The following MYT1L variants were observed in gnomAD, a reference collection of about 807,000 sequenced individuals.
MYT1L encodes myelin transcription factor 1-like protein.
MYT1L carries 12 observed loss-of-function variants against 126.7 expected under a neutral mutation model. The ratio of observed to expected loss-of-function variants is 0.09; its 90% confidence interval spans 0.06 to 0.15. The LOEUF (loss-of-function observed/expected upper bound fraction) is 0.15. Among genes scored for constraint, MYT1L ranks in the 10% least tolerant of loss-of-function variants. The pLI, the probability that MYT1L is intolerant of heterozygous loss-of-function variation, is 1.00. For synonymous variants in MYT1L, 541 were observed against 604.2 expected (o/e 0.90, Z 1.53); for missense variants, 979 against 1,585.2 (o/e 0.62, Z 6.49).
chr2:1,810,490 T>C (rs2036438048), intron 21 of MYT1L, among the ~76,000 whole-genome samples: 1 of 152,176 alleles, frequency 6.6e-6, no homozygotes, highest in African/African-American at 2.4e-5. Flanking sequence ...TCTCTATACA[T>C]AATATTGTAT....
chr2:1,792,939 G>A (rs2032497585), intron 23 of MYT1L, among the ~76,000 whole-genome samples: 1 of 150,812 alleles, frequency 6.6e-6, no homozygotes, highest in African/African-American at 2.4e-5. Flanking sequence ...AGGACCTGCT[G>A]CCTATGCTTT....
chr2:2,017,317 C>T (rs979254016), intron 4 of MYT1L, among the ~76,000 whole-genome samples: 1 of 152,254 alleles, frequency 6.6e-6, no homozygotes, highest in Admixed American at 6.5e-5. Flanking sequence ...CAATTGTGAA[C>T]ACAATCTAAT....
At chr2:1,792,149 G>C in intron 24 of MYT1L, 142 bp from the exon 25 acceptor site, 1 of 1,209,546 alleles carries the variant, frequency 8.3e-7, no homozygotes, top group Non-Finnish European at 1.1e-6. Context: ...TTAAGTTTCT[G>C]GGGTCAGCCC....
intron 3 of MYT1L, among the ~76,000 whole-genome samples, chr2:2,143,306 A>C (rs1485788459): frequency 2.0e-5 from 3 of 151,862 alleles, no homozygotes; most frequent in Non-Finnish European, 2.9e-5. Flanking sequence ...AAAAAAAAAA[A>C]AAAGTTGTAG....
chr2:2,041,276 C>T (rs914557097), intron 4 of MYT1L, among the ~76,000 whole-genome samples: 8 of 152,166 alleles, frequency 5.3e-5, no homozygotes, highest in Non-Finnish European at 1.2e-4. Flanking sequence ...ACATTTGAGT[C>T]TTGTCAAGGT....
In MYT1L at chr2:2,181,160, CTG is replaced by C. The variant is rs143802981; in HGVS notation, c.-420-8174_-420-8173del. Among the ~76,000 whole-genome samples, 225 of 151,390 alleles carry C rather than the reference CTG, an allele frequency of 1.5e-3. 1 individual carries two copies. Among genetic ancestry groups the C allele is most frequent in the East Asian group, 0.011 (58 of 5,114 alleles). On this transcript the variant is annotated intron_variant, in intron 2 of 24. Coordinates refer to ENST00000647738, the MANE Select transcript of MYT1L (RefSeq NM_001303052.2). ...CCTGTGTCTGTGCCTGAGTATGTAC[CTG>C]TGTGTGCACATGTATCTGTACCTAT...
intron 2 of MYT1L, among the ~76,000 whole-genome samples, chr2:2,276,020 A>C (rs1245557264): frequency 6.6e-6 from 1 of 151,518 alleles, no homozygotes; most frequent in Non-Finnish European, 1.5e-5. Flanking sequence ...TGCTTTATGG[A>C]GTTGTGTTTT....
intron 18 of MYT1L, among the ~76,000 whole-genome samples, chr2:1,867,612 T>A (rs981356859): frequency 2.6e-5 from 4 of 152,138 alleles, no homozygotes; most frequent in African/African-American, 9.7e-5. Flanking sequence ...GGCAGCCACG[T>A]CCACAGGTTT....
intron 3 of MYT1L, among the ~76,000 whole-genome samples, chr2:2,156,122 C>T (rs564287046): frequency 4.6e-5 from 7 of 152,250 alleles, no homozygotes; most frequent in African/African-American, 1.2e-4. Flanking sequence ...GTAAAGTGAG[C>T]TTGTAAAATA....
chr2:2,007,685 A>ACACAG (rs1303603760), intron 4 of MYT1L, among the ~76,000 whole-genome samples: 1 of 151,902 alleles, frequency 6.6e-6, no homozygotes, highest in Non-Finnish European at 1.5e-5. Context: ...TTTTCCATTC[A>ACACAG]CACAGCTGTC....
intron 8 of MYT1L, among the ~76,000 whole-genome samples, chr2:1,945,166 G>C (rs2057089437): frequency 6.6e-6 from 1 of 152,184 alleles, no homozygotes; most frequent in Non-Finnish European, 1.5e-5. Context: ...GTCCGGCGGG[G>C]TCCAATCAAC....
At chr2:2,119,420 A>C (rs2080670844) in intron 3 of MYT1L, among the ~76,000 whole-genome samples, 2 of 152,242 alleles carry the variant, frequency 1.3e-5, no homozygotes, top group African/African-American at 4.8e-5. Context: ...AAAAGTAATT[A>C]AGGGAAAATA....
intron 3 of MYT1L, among the ~76,000 whole-genome samples, chr2:2,082,301 G>C (rs867860649): frequency 6.6e-6 from 1 of 152,192 alleles, no homozygotes; most frequent in African/African-American, 2.4e-5. Context: ...ATGTCGATGT[G>C]GGGATTGAAC....
intron 21 of MYT1L, chr2:1,810,211 C>T (rs1408834825): frequency 6.6e-6 from 1 of 150,870 alleles, no homozygotes; most frequent in Non-Finnish European, 1.5e-5. Context: ...ACTGCAGCCT[C>T]TGCCTCCTGG....
At chr2:2,032,725 G>T (rs1315400284) in intron 4 of MYT1L, among the ~76,000 whole-genome samples, 1 of 106,264 alleles carries the variant, frequency 9.4e-6, no homozygotes. Flanking sequence ...CTAGAAGGAG[G>T]GCCTTATACA....
chr2:1,878,526 G>T (rs917926598), intron 18 of MYT1L, among the ~76,000 whole-genome samples: 5 of 152,084 alleles, frequency 3.3e-5, no homozygotes, highest in African/African-American at 1.2e-4. Context: ...TAAGTGTAAG[G>T]TTCTCTTGGG....
At chr2:2,219,696 C>G (rs1425264052) in intron 2 of MYT1L, among the ~76,000 whole-genome samples, 1 of 152,166 alleles carries the variant, frequency 6.6e-6, no homozygotes, top group Non-Finnish European at 1.5e-5. Flanking sequence ...TTAAAAAGTT[C>G]CAAGTTGCTA....
chr2:1,824,174 T>TTAG (rs1252296177), intron 21 of MYT1L, among the ~76,000 whole-genome samples: 1 of 152,346 alleles, frequency 6.6e-6, no homozygotes, highest in East Asian at 1.9e-4. Flanking sequence ...AGACTAGACT[T>TTAG]ACTAAACATA....
At chr2:2,102,076 T>A (rs113432587) in intron 3 of MYT1L, among the ~76,000 whole-genome samples, 13 of 152,320 alleles carry the variant, frequency 8.5e-5, no homozygotes, top group African/African-American at 2.9e-4. Flanking sequence ...ACCATGGCTG[T>A]CACCTTGTCT....
Sources: gnomAD v4.1 joint callset for allele counts (sites outside exome capture counted in the v4.1 genomes callset) on GRCh38, gnomAD v4.1.1 for gene constraint, MANE v1.5 for transcripts, NCBI Gene and HGNC (gene_info 2026-07-23, HGNC 2026-07-21) for gene names.